HAT1: variants seen among roughly 807,000 people sequenced by gnomAD.
HAT1 encodes the protein histone acetyltransferase type B catalytic subunit.
Under a neutral mutation model 56.6 loss-of-function variants are expected in HAT1, and 20 were observed. That is an observed-to-expected ratio of 0.35 (90% CI 0.25 to 0.51). The LOEUF (loss-of-function observed/expected upper bound fraction) is 0.51. Among genes scored for constraint, HAT1 ranks in the 20% least tolerant of loss-of-function variants. The probability of loss-of-function intolerance (pLI) is 0.95; values close to 1 mark genes in which losing one functional copy is unlikely to be tolerated. For synonymous variants in HAT1, 146 were observed against 165.5 expected, an observed-to-expected ratio of 0.88 and a Z score of 0.91; for missense variants, 408 against 504.3, an observed-to-expected ratio of 0.81 and a Z score of 1.83.
At chr2:171,951,414 G>T (rs560830789) in intron 3 of HAT1, among the ~76,000 whole-genome samples, 1 of 151,870 alleles carries the variant, frequency 6.6e-6, no homozygotes, top group Admixed American at 6.6e-5. Context: ...TAGTTTTACA[G>T]ATAGTGCTTC....
intron 9 of HAT1, 43 bp downstream of exon 9, chr2:171,976,351 CAA>C (rs1257872296): frequency 4.7e-6 from 6 of 1,272,336 alleles, no homozygotes; most frequent in Non-Finnish European, 6.5e-6. Context: ...AAATTACAAA[CAA>C]ATTTTTGAAG....
At chr2:171,981,130 A>AT (rs1349845075) in intron 10 of HAT1, among the ~76,000 whole-genome samples, 1 of 151,968 alleles carries the variant, frequency 6.6e-6, no homozygotes, top group Non-Finnish European at 1.5e-5. Flanking sequence ...AGATTGCGCC[A>AT]TTGTACTCCA....
rs78611432 is a variant in HAT1 at position 171,982,589 on chromosome 2, C to T, written c.1093-596C>T. 1.9e-3 allele frequency among the ~76,000 whole-genome samples: 292 copies of T among 152,242 alleles called. 2 individuals carry two copies. In the East Asian group the frequency reaches 0.021, roughly 11 times the overall value. ...ACCTGTTGCAAACTCCTTAGCATAG[C>T]GGTATCCTAAGTCAAACCAGGAGGG... On this transcript the variant is annotated intron_variant, in intron 10 of 10. Transcript: ENST00000264108.
intron 2 of HAT1, among the ~76,000 whole-genome samples, chr2:171,928,233 C>G (rs1270641355): frequency 1.3e-5 from 2 of 152,144 alleles, no homozygotes; most frequent in African/African-American, 4.8e-5. Context: ...AAGCCAAGAT[C>G]TAGGTGCTAG....
At chr2:171,936,280 A>G (rs1686871759) in intron 2 of HAT1, among the ~76,000 whole-genome samples, 1 of 152,184 alleles carries the variant, frequency 6.6e-6, no homozygotes, top group South Asian at 2.1e-4. Flanking sequence ...GAAACCAGCA[A>G]TGAGGAGCAA....
intron 2 of HAT1, among the ~76,000 whole-genome samples, chr2:171,944,634 G>A (rs931202245): frequency 3.9e-5 from 6 of 152,168 alleles, no homozygotes; most frequent in African/African-American, 1.4e-4. Flanking sequence ...CCAGTCTCTT[G>A]AGTATACTGA....
At chr2:171,978,616 C>T (rs1333592870) in intron 9 of HAT1, among the ~76,000 whole-genome samples, 1 of 152,104 alleles carries the variant, frequency 6.6e-6, no homozygotes, top group Non-Finnish European at 1.5e-5. Context: ...GAGTCCTTGA[C>T]CCCTTGGTCT....
intron 2 of HAT1, among the ~76,000 whole-genome samples, chr2:171,942,378 T>A (rs1389347789): frequency 3.9e-5 from 6 of 152,212 alleles, no homozygotes; most frequent in African/African-American, 7.2e-5. Flanking sequence ...TGTATTATAA[T>A]TTGGAGTGTT....
At chr2:171,956,123 G>A (rs1687438619) in intron 4 of HAT1, among the ~76,000 whole-genome samples, 1 of 146,018 alleles carries the variant, frequency 6.8e-6, no homozygotes, top group African/African-American at 2.5e-5. Flanking sequence ...CTACAGTAAG[G>A]TAAGTATGAT....
chr2:171,968,140 G>A (rs1353546805), intron 8 of HAT1, among the ~76,000 whole-genome samples: 1 of 152,074 alleles, frequency 6.6e-6, no homozygotes, highest in Non-Finnish European at 1.5e-5. Context: ...ACTGTTAAAT[G>A]GGTTGGAAAC....
At chr2:171,946,922 G>T in intron 3 of HAT1, 139 bp downstream of exon 3, 1 of 543,892 alleles carries the variant, frequency 1.8e-6, no homozygotes, top group Non-Finnish European at 3.2e-6. Context: ...TTATAATGGT[G>T]TTTTTTTACA....
chr2:171,982,132 C>G (rs1324853034), intron 10 of HAT1, among the ~76,000 whole-genome samples: 1 of 152,104 alleles, frequency 6.6e-6, no homozygotes, highest in Admixed American at 6.5e-5. Context: ...ATTTTCTACT[C>G]TTAAAGAATG....
At chr2:171,955,704 A>C (rs1454863055) in intron 4 of HAT1, among the ~76,000 whole-genome samples, 1 of 152,162 alleles carries the variant, frequency 6.6e-6, no homozygotes, top group African/African-American at 2.4e-5. Context: ...GAACACCTGT[A>C]TCATCTTAGA....
chr2:171,927,066 A>G (rs1244686886), intron 2 of HAT1, among the ~76,000 whole-genome samples: 1 of 152,224 alleles, frequency 6.6e-6, no homozygotes, highest in African/African-American at 2.4e-5. Flanking sequence ...GTGTAATTCC[A>G]TTTGTATGAA....
chr2:171,930,069 G>T (rs1381179626), intron 2 of HAT1, among the ~76,000 whole-genome samples: 1 of 152,126 alleles, frequency 6.6e-6, no homozygotes, highest in Admixed American at 6.6e-5. Flanking sequence ...CTGTATTCTA[G>T]AAATGTTTCA....
rs532941747 is a variant in HAT1, at chr2:171,983,625, A to G, written c.*273A>G. On this transcript the variant is annotated 3_prime_UTR_variant, in exon 11 of 11. Coordinates refer to ENST00000264108, the MANE Select transcript of HAT1 (RefSeq NM_003642.4). The stretch of plus-strand genomic sequence containing the variant: ...AGTATAATAAATGCTTAGTTGTGAT[A>G]TGTTAATGTGTGATGATATGATTCT... 1 of 252,094 alleles carries G rather than the reference A, an allele frequency of 4.0e-6. No homozygotes were observed. The highest frequency in any genetic ancestry group is 1.5e-4 in the South Asian group (1 of 6,468). The allele number at this position is 252,094 out of a possible 1,614,324, so 15.6% of individuals were successfully genotyped here.
intron 2 of HAT1, among the ~76,000 whole-genome samples, chr2:171,931,663 G>C (rs1686750265): frequency 1.3e-5 from 2 of 152,156 alleles, no homozygotes; most frequent in South Asian, 2.1e-4. Context: ...GACAAAGCAA[G>C]ACTGTGTCTC....
intron 10 of HAT1, chr2:171,980,088 G>C (rs967640431): frequency 1.3e-5 from 2 of 152,224 alleles, no homozygotes; most frequent in African/African-American, 2.4e-5. Context: ...CTGCACTTCA[G>C]CCTGGGTGAC....
intron 2 of HAT1, among the ~76,000 whole-genome samples, chr2:171,938,988 G>C (rs1558965597): frequency 6.6e-6 from 1 of 152,112 alleles, no homozygotes; most frequent in East Asian, 1.9e-4. Flanking sequence ...CAATTCGCCT[G>C]CCTTGGCCTC....
Sources: allele counts gnomAD v4.1 joint callset (sites outside exome capture counted in the v4.1 genomes callset), GRCh38; gene constraint gnomAD v4.1.1; transcripts MANE v1.5; gene names NCBI Gene and HGNC (gene_info 2026-07-23, HGNC 2026-07-21).